EYS: variants seen among roughly 807,000 people sequenced by gnomAD.
EYS encodes protein eyes shut homolog.
Under a neutral mutation model 282.1 loss-of-function variants are expected in EYS, and 250 were observed. The observed-to-expected ratio is 0.89, with a 90% CI of 0.80 to 0.98. The LOEUF (loss-of-function observed/expected upper bound fraction) is 0.98, where lower values mean the gene tolerates loss of function less well. Ranked by LOEUF, EYS falls within the 50% of genes least tolerant of loss-of-function variation. EYS has a pLI of 0.00. For synonymous variants in EYS, 1,355 were observed against 1,282.9 expected, an observed-to-expected ratio of 1.06 and a Z score of -1.20; for missense variants, 4,016 against 3,709.0, an observed-to-expected ratio of 1.08 and a Z score of -2.15.
At chr6:64,971,409 G>T (rs1446727654) in intron 14 of EYS, among the ~76,000 whole-genome samples, 2 of 152,054 alleles carry the variant, frequency 1.3e-5, no homozygotes, top group African/African-American at 2.4e-5. Flanking sequence ...ACACACTTGG[G>T]TTTATTATGA....
At chr6:65,190,808 C>T (rs1165906139) in intron 12 of EYS, among the ~76,000 whole-genome samples, 5 of 151,676 alleles carry the variant, frequency 3.3e-5, no homozygotes, top group Non-Finnish European at 1.5e-5. Context: ...CACATCTTAA[C>T]CCAACAAGTA....
intron 22 of EYS, among the ~76,000 whole-genome samples, chr6:64,812,625 A>G (rs1583183748): frequency 6.6e-6 from 1 of 152,062 alleles, no homozygotes. Context: ...GTAAATAACT[A>G]TATATCAAGA....
At chr6:64,326,501 T>G in intron 29 of EYS, among the ~76,000 whole-genome samples, 1 of 152,204 alleles carries the variant, frequency 6.6e-6, no homozygotes, top group East Asian at 1.9e-4. Flanking sequence ...AAAAGCCTTT[T>G]GTTTGGGGCT....
At position 65,459,957 on chromosome 6, in the gene EYS, G is replaced by T. The variant is rs572067990; in HGVS notation, c.862+30637C>A. ...TTTTCTGGTGCGTGTGTGTGTGTGT[G>T]TTTGTGTATTTTATATATATATATA... On this transcript the variant is annotated intron_variant, in intron 5 of 42. Transcript: ENST00000503581. Among the ~76,000 whole-genome samples, 135 of 114,352 alleles carry T rather than the reference G, an allele frequency of 1.2e-3. 1 individual carries two copies. Among genetic ancestry groups the T allele is most frequent in the Admixed American group, 2.6e-3 (25 of 9,484 alleles). 75.0% of individuals were successfully genotyped at this position (114,352 alleles called of 152,430 possible). A position where few individuals can be genotyped will look rare whatever the true frequency, so the allele number is the denominator to read the frequency against.
intron 40 of EYS, among the ~76,000 whole-genome samples, chr6:63,764,320 AC>A (rs1272367569): frequency 1.3e-5 from 2 of 151,986 alleles, no homozygotes; most frequent in African/African-American, 2.4e-5. Context: ...ATGGAGACAA[AC>A]AAAATACAGA....
At chr6:64,036,739 TA>T (rs1012885529) in intron 33 of EYS, among the ~76,000 whole-genome samples, 4 of 152,250 alleles carry the variant, frequency 2.6e-5, no homozygotes, top group African/African-American at 9.6e-5. Context: ...GACTCATACT[TA>T]CTGATTTAGG....
chr6:64,495,016 T>C (rs962025063), intron 26 of EYS, among the ~76,000 whole-genome samples: 6 of 151,720 alleles, frequency 4.0e-5, no homozygotes, highest in Non-Finnish European at 8.9e-5. Context: ...TCCTGTGATT[T>C]ATAATTACTG....
intron 2 of EYS, among the ~76,000 whole-genome samples, chr6:65,602,563 G>C (rs1765649438): frequency 6.6e-6 from 1 of 151,848 alleles, no homozygotes; most frequent in African/African-American, 2.4e-5. Flanking sequence ...ACTGTTCTTG[G>C]AAGCAAGAAC....
At chr6:65,453,897 T>C (rs1748426444) in intron 5 of EYS, among the ~76,000 whole-genome samples, 1 of 151,972 alleles carries the variant, frequency 6.6e-6, no homozygotes. Flanking sequence ...CCACTGAGTA[T>C]AAACACCGTA....
intron 26 of EYS, among the ~76,000 whole-genome samples, chr6:64,561,795 T>C (rs1765401610): frequency 6.6e-6 from 1 of 151,708 alleles, no homozygotes; most frequent in African/African-American, 2.4e-5. Flanking sequence ...AAACTACCAA[T>C]GGCATTCTTC....
Position 65,495,355 on chromosome 6 carries a change from A to G in EYS, c.56T>C (p.Ile19Thr). The G allele has an allele frequency of 6.2e-7, 1 of 1,613,550 alleles. No homozygotes were observed. Among genetic ancestry groups the G allele is most frequent in the Non-Finnish European group, 8.5e-7 (1 of 1,179,998 alleles). The change falls in exon 4 of 43, where the codon ATA becomes ACA. Residue 19 changes from isoleucine (I) to threonine (T), a missense_variant. By Grantham distance (89) the Ile-to-Thr change is moderately conservative. Transcript: ENST00000503581. The stretch of plus-strand genomic sequence containing the variant: ...TTGCCGTCTACATGTTTTTCCATTT[A>G]TGAAAGAGCTGTGAAAAACCATCAG... ...LSLMVFHSSF[I>T]NGKTCRRQLV...
At chr6:64,051,019 C>T (rs772374842) in intron 33 of EYS, among the ~76,000 whole-genome samples, 2 of 152,096 alleles carry the variant, frequency 1.3e-5, no homozygotes, top group African/African-American at 4.8e-5. Flanking sequence ...TCCATTGTCT[C>T]TGATAGATTA....
chr6:63,866,275 T>C (rs556886171), intron 35 of EYS, among the ~76,000 whole-genome samples: 1 of 152,244 alleles, frequency 6.6e-6, no homozygotes, highest in Admixed American at 6.5e-5. Context: ...TGTTTGGGGG[T>C]AATGGATAAA....
intron 1 of EYS, among the ~76,000 whole-genome samples, chr6:65,648,184 C>A (rs2149816814): frequency 6.6e-6 from 1 of 152,144 alleles, no homozygotes; most frequent in Non-Finnish European, 1.5e-5. Flanking sequence ...TAGGTATCTA[C>A]CCAGAGGAAA....
At chr6:64,634,849 G>C (rs140811000) in intron 22 of EYS, among the ~76,000 whole-genome samples, 1 of 152,032 alleles carries the variant, frequency 6.6e-6, no homozygotes, top group African/African-American at 2.4e-5. Flanking sequence ...TTTTATTAAG[G>C]GGACTATTTT....
chr6:64,182,245 A>C (rs541859039), intron 31 of EYS, among the ~76,000 whole-genome samples: 1 of 152,304 alleles, frequency 6.6e-6, no homozygotes, highest in Admixed American at 6.5e-5. Flanking sequence ...TCTGTCCTAC[A>C]ATCACACTAT....
intron 1 of EYS, among the ~76,000 whole-genome samples, chr6:65,667,217 AAC>A (rs1768230704): frequency 6.6e-6 from 1 of 151,818 alleles, no homozygotes; most frequent in Admixed American, 6.6e-5. Context: ...ATTTTTGTAA[AAC>A]ATGAAACTGA....
chr6:65,692,385 T>C (rs1769276420), intron 1 of EYS, among the ~76,000 whole-genome samples: 1 of 149,932 alleles, frequency 6.7e-6, no homozygotes, highest in Non-Finnish European at 1.5e-5. Flanking sequence ...ATACCACACT[T>C]GTGCTCCCTA....
At chr6:64,917,312 T>A (rs763458641) in intron 15 of EYS, among the ~76,000 whole-genome samples, 4 of 152,028 alleles carry the variant, frequency 2.6e-5, no homozygotes, top group Non-Finnish European at 5.9e-5. Flanking sequence ...TTCTAATGAC[T>A]AAGCATTCTA....
Sources: gnomAD v4.1 joint callset for allele counts (sites outside exome capture counted in the v4.1 genomes callset) on GRCh38, gnomAD v4.1.1 for gene constraint, MANE v1.5 for transcripts, NCBI Gene and HGNC (gene_info 2026-07-23, HGNC 2026-07-21) for gene names.